Variants in CSTPP1 observed in about 807,000 individuals in gnomAD.
The protein encoded by CSTPP1 is centriolar satellite-associated tubulin polyglutamylase complex regulator 1.
the CSTPP1 span, among the ~76,000 whole-genome samples, chr11:47,036,139 A>C: frequency 2.9e-5 from 1 of 34,400 alleles, no homozygotes; most frequent in Non-Finnish European, 6.8e-5. Context: ...ATACAATATA[A>C]TATATAATAT....
At chr11:46,947,928 C>CTTT in the CSTPP1 span, 3 of 327,980 alleles carry the variant, frequency 9.1e-6, no homozygotes, top group Admixed American at 6.5e-5. Flanking sequence ...CCCATTGCCA[C>CTTT]TTTTTTTTTT....
the CSTPP1 span, chr11:47,123,043 A>G: frequency 6.6e-6 from 1 of 152,196 alleles, no homozygotes; most frequent in Non-Finnish European, 1.5e-5. Context: ...ACATGGAACC[A>G]TACTCTATAT....
chr11:47,020,561 G>A, the CSTPP1 span, among the ~76,000 whole-genome samples: 2 of 152,032 alleles, frequency 1.3e-5, no homozygotes, highest in African/African-American at 4.8e-5. Flanking sequence ...CTGGAGAGCT[G>A]TTCATTCGGC....
chr11:47,008,219 C>T, the CSTPP1 span, among the ~76,000 whole-genome samples: 302 of 152,272 alleles, frequency 2.0e-3, 1 homozygote, highest in African/African-American at 5.0e-3. Flanking sequence ...CCCGCCTTGG[C>T]CTCTCAAAGT....
At chr11:47,041,985 C>G in the CSTPP1 span, 2 of 206,112 alleles carry the variant, frequency 9.7e-6, no homozygotes, top group African/African-American at 4.6e-5. Context: ...GGAAGGATCA[C>G]TTGAAGCCAG....
chr11:47,055,262 A>G, the CSTPP1 span, among the ~76,000 whole-genome samples: 1 of 151,886 alleles, frequency 6.6e-6, no homozygotes, highest in Admixed American at 6.6e-5. Context: ...GTTTTCATAA[A>G]TACCTTTAAG....
the CSTPP1 span, among the ~76,000 whole-genome samples, chr11:47,136,602 A>G: frequency 6.6e-6 from 1 of 152,130 alleles, no homozygotes; most frequent in South Asian, 2.1e-4. Flanking sequence ...CGGGGGCAGG[A>G]GATCTGGATT....
the CSTPP1 span, among the ~76,000 whole-genome samples, chr11:47,149,893 T>C: frequency 6.6e-6 from 1 of 151,892 alleles, no homozygotes; most frequent in Non-Finnish European, 1.5e-5. Flanking sequence ...TGCTTGAACA[T>C]TTCTGGCAAT....
the CSTPP1 span, among the ~76,000 whole-genome samples, chr11:46,988,851 A>G: frequency 6.6e-6 from 1 of 152,140 alleles, no homozygotes; most frequent in African/African-American, 2.4e-5. Flanking sequence ...TACACCTACT[A>G]TGTACCCATG....
chr11:47,015,783 G>T, the CSTPP1 span, among the ~76,000 whole-genome samples: 1 of 151,886 alleles, frequency 6.6e-6, no homozygotes, highest in African/African-American at 2.4e-5. Context: ...TAAAAACCAT[G>T]TGGGATTTAT....
At chr11:46,969,340 T>C in the CSTPP1 span, among the ~76,000 whole-genome samples, 2 of 152,214 alleles carry the variant, frequency 1.3e-5, no homozygotes, top group African/African-American at 4.8e-5. Context: ...AATAAAAAGA[T>C]GCAGTTTTAT....
the CSTPP1 span, among the ~76,000 whole-genome samples, chr11:47,087,188 T>G: frequency 1.3e-5 from 2 of 152,256 alleles, no homozygotes; most frequent in African/African-American, 4.8e-5. Context: ...ATAAGAGCAT[T>G]GATAGCAGGC....
chr11:47,077,340 G>C, the CSTPP1 span, among the ~76,000 whole-genome samples: 2 of 151,716 alleles, frequency 1.3e-5, no homozygotes, highest in African/African-American at 2.4e-5. Flanking sequence ...GCTGAGATTA[G>C]AGGCACCCGC....
At chr11:47,122,657 A>G in the CSTPP1 span, among the ~76,000 whole-genome samples, 3 of 152,126 alleles carry the variant, frequency 2.0e-5, no homozygotes, top group Non-Finnish European at 4.4e-5. Flanking sequence ...ATCTCAGCTC[A>G]CTGCAACCTC....
chr11:47,074,018 G>A, the CSTPP1 span, among the ~76,000 whole-genome samples: 2 of 152,078 alleles, frequency 1.3e-5, no homozygotes, highest in Non-Finnish European at 2.9e-5. Context: ...TGGTTAATAT[G>A]TTCCTACACC....
At chr11:47,052,390 T>G in the CSTPP1 span, 1 of 1,612,878 alleles carries the variant, frequency 6.2e-7, no homozygotes, top group South Asian at 1.1e-5. Flanking sequence ...CTTTGCAGTT[T>G]TAACAGTGTA....
chr11:46,960,789 T>C, the CSTPP1 span, among the ~76,000 whole-genome samples: 9 of 152,058 alleles, frequency 5.9e-5, no homozygotes, highest in Non-Finnish European at 8.8e-5. Flanking sequence ...TAGGCAGAGG[T>C]TGCAGTGAGC....
At chr11:47,155,245 CCA>C in the CSTPP1 span, 1 of 1,613,768 alleles carries the variant, frequency 6.2e-7, no homozygotes. Flanking sequence ...CCTTCCAGAT[CCA>C]GTTTTACTAC....
At chr11:47,161,637 G>C in the CSTPP1 span, 1 of 1,610,920 alleles carries the variant, frequency 6.2e-7, no homozygotes, top group Non-Finnish European at 8.5e-7. Context: ...TCGGAGACTT[G>C]AGGAGTCCAA....
Sources: allele counts gnomAD v4.1 joint callset (sites outside exome capture counted in the v4.1 genomes callset), GRCh38; gene constraint gnomAD v4.1.1; transcripts MANE v1.5; gene names NCBI Gene and HGNC (gene_info 2026-07-23, HGNC 2026-07-21).